CUEDC1: variants seen among roughly 807,000 people sequenced by gnomAD.
CUEDC1 encodes CUE domain-containing protein 1.
In CUEDC1, 30 loss-of-function variants were observed where a neutral mutation model predicts 43.7. The ratio of observed to expected loss-of-function variants is 0.69; its 90% CI spans 0.51 to 0.93. The LOEUF is 0.93. CUEDC1 is among the 40% of genes least tolerant of loss of function. The pLI is 0.00. For missense variants in CUEDC1, 486 were observed against 549.0 expected, an observed-to-expected ratio of 0.89 and a Z score of 1.15; for synonymous variants, 223 against 223.6, an observed-to-expected ratio of 1.00 and a Z score of 0.02.
At chr17:57,872,989 G>A (rs1454843420) in intron 4 of CUEDC1, 134 bp from the exon 5 acceptor site, 3 of 839,210 alleles carry the variant, frequency 3.6e-6, no homozygotes, top group East Asian at 5.4e-5. Flanking sequence ...ACCTCCTAAT[G>A]GAACCTGGTT....
intron 10 of CUEDC1, 135 bp downstream of exon 10, chr17:57,866,339 G>A (rs1357978408): frequency 3.0e-6 from 2 of 677,014 alleles, no homozygotes; most frequent in Non-Finnish European, 5.1e-6. Context: ...AACTATGAGG[G>A]AAGACACGTG....
At chr17:57,889,849 C>T (rs1399282879) in intron 1 of CUEDC1, among the ~76,000 whole-genome samples, 1 of 152,156 alleles carries the variant, frequency 6.6e-6, no homozygotes, top group Non-Finnish European at 1.5e-5. Flanking sequence ...GAGCACTGTC[C>T]CTCTCTCCCC....
In CUEDC1 at chr17:57,871,194, A is replaced by G. The variant is rs540634385; in HGVS notation, c.868+92T>C. The G allele has an allele frequency of 1.4e-3, 1,436 of 1,037,192 alleles. 13 individuals are homozygous for G. The highest frequency in any genetic ancestry group is 9.1e-3 in the South Asian group (716 of 78,268). The allele number at this position is 1,037,192 out of a possible 1,614,324, so 64.2% of individuals were successfully genotyped here. ...GCCCCCTCCCACAATCTGTTTTTTC[A>G]CCCTCCTCTCAAACTCCAAATATGC... On this transcript the variant is annotated intron_variant, in intron 6 of 10. Transcript: ENST00000577830.
At chr17:57,908,442 G>A (rs79359914) in intron 1 of CUEDC1, among the ~76,000 whole-genome samples, 3,443 of 152,282 alleles carry the variant, frequency 0.023, 53 homozygotes, top group Non-Finnish European at 0.034. Context: ...GTGATGCCAA[G>A]ACAGGCTTCC....
chr17:57,879,867 A>C, intron 2 of CUEDC1, 129 bp from the exon 3 acceptor site: 8 of 915,094 alleles, frequency 8.7e-6, no homozygotes, highest in Non-Finnish European at 1.3e-5. Flanking sequence ...TGGGAGTGTA[A>C]ATCGATACAA....
chr17:57,927,837 T>A (rs573404274), intron 1 of CUEDC1, among the ~76,000 whole-genome samples: 1 of 152,244 alleles, frequency 6.6e-6, no homozygotes, highest in Non-Finnish European at 1.5e-5. Flanking sequence ...AAAAATATTA[T>A]CCCATCTAAC....
At chr17:57,886,106 T>A (rs1475783588) in intron 1 of CUEDC1, among the ~76,000 whole-genome samples, 1 of 152,306 alleles carries the variant, frequency 6.6e-6, no homozygotes, top group African/African-American at 2.4e-5. Flanking sequence ...CCGACCCAGG[T>A]GCCATCCTAA....
At position 57,862,158 on chromosome 17, in the gene CUEDC1, C is replaced by A. The variant is rs975699897; in HGVS notation, c.*1131G>T. 6.6e-6 allele frequency: 1 copy of A among 152,340 alleles called. No individual in the cohort carries two copies. Among genetic ancestry groups the A allele is most frequent in the Non-Finnish European group, 1.5e-5 (1 of 68,136 alleles). The allele number at this position is 152,340 out of a possible 1,614,324, so 9.4% of individuals were successfully genotyped here. The stretch of plus-strand genomic sequence containing the variant: ...CCCGGCTCTCCGGAAGGTCTGCGCG[C>A]TCCCATGTCCAGGGCGGGGCCACGG... On this transcript the variant is annotated 3_prime_UTR_variant, in exon 11 of 11. Transcript: ENST00000577830.
In CUEDC1 at chr17:57,932,856, C is replaced by CT. The variant is rs1189237127; in HGVS notation, c.-316+22368dup. On this transcript the variant is annotated intron_variant, in intron 1 of 10. Coordinates refer to ENST00000577830, the MANE Select transcript of CUEDC1 (RefSeq NM_001271875.2). ...TGGCCTGGGCAACAAGAGCAAAACT[C>CT]TGTCTTAAAAAAAAAAAAAAGTCTG... 2.6e-5 allele frequency among the ~76,000 whole-genome samples: 4 copies of CT among 150,994 alleles called. No homozygotes were observed. The East Asian group carries it at 7.8e-4, about 29-fold the overall frequency.
At chr17:57,872,453 G>A (rs925934864) in intron 5 of CUEDC1, among the ~76,000 whole-genome samples, 8 of 152,010 alleles carry the variant, frequency 5.3e-5, no homozygotes, top group Non-Finnish European at 1.2e-4. Context: ...TCTGAGTCCC[G>A]AGGGAGAAAG....
At position 57,861,492 on chromosome 17, in the gene CUEDC1, T is replaced by A. The variant is rs1399843239; in HGVS notation, c.*1797A>T. On this transcript the variant is annotated 3_prime_UTR_variant, in exon 11 of 11. Coordinates refer to ENST00000577830, the MANE Select transcript of CUEDC1 (RefSeq NM_001271875.2). ...GTGAATGGGCCAGGCAAGGCAGGGG[T>A]ACCCTAGGGATGCGACGCGGGGCTC... 6.6e-6 allele frequency: 1 copy of A among 151,850 alleles called. No homozygotes were observed. The highest frequency in any genetic ancestry group is 2.4e-5 in the African/African-American group (1 of 41,244). The allele number at this position is 151,850 out of a possible 1,614,324, so 9.4% of individuals were successfully genotyped here.
intron 1 of CUEDC1, among the ~76,000 whole-genome samples, chr17:57,952,707 A>T (rs1411680407): frequency 1.3e-5 from 2 of 152,182 alleles, no homozygotes; most frequent in East Asian, 3.8e-4. Flanking sequence ...AAATGTAGGA[A>T]GCTCTAAAGG....
chr17:57,924,353 C>T (rs2074725809), intron 1 of CUEDC1, among the ~76,000 whole-genome samples: 1 of 152,216 alleles, frequency 6.6e-6, no homozygotes. Flanking sequence ...ATCTGCCCGC[C>T]TCGGCCTCCC....
At chr17:57,952,947 G>A (rs953170990) in intron 1 of CUEDC1, among the ~76,000 whole-genome samples, 1 of 152,056 alleles carries the variant, frequency 6.6e-6, no homozygotes, top group East Asian at 1.9e-4. Flanking sequence ...GCCAAGAAAG[G>A]AAAGGCAGGC....
chr17:57,913,892 TTTCAAGGA>T (rs1183287248), intron 1 of CUEDC1, among the ~76,000 whole-genome samples: 2 of 152,198 alleles, frequency 1.3e-5, no homozygotes, highest in African/African-American at 2.4e-5. Flanking sequence ...CAACTCTTTA[TTTCAAGGA>T]TTCAGGTTGT....
At chr17:57,946,317 A>G (rs1382132669) in intron 1 of CUEDC1, among the ~76,000 whole-genome samples, 1 of 152,236 alleles carries the variant, frequency 6.6e-6, no homozygotes. Context: ...ACTTTGAGAA[A>G]TAAAATGTAA....
At chr17:57,920,180 A>T (rs2074685242) in intron 1 of CUEDC1, among the ~76,000 whole-genome samples, 1 of 152,088 alleles carries the variant, frequency 6.6e-6, no homozygotes, top group African/African-American at 2.4e-5. Context: ...TCCCTACTCA[A>T]AGTGCAGCCT....
rs2073972563 is a variant in CUEDC1 at position 57,867,274 on chromosome 17, G to A, written c.1093+83C>T. On this transcript the variant is annotated intron_variant, in intron 9 of 10. Transcript: ENST00000577830. ...TGTTCCTCCAGGGGACAGGGCGGGTGCTCCCATGAAACACCCAGGAACTCC... is the reference window on the plus strand; with the variant it reads ...TGTTCCTCCAGGGGACAGGGCGGGTACTCCCATGAAACACCCAGGAACTCC... The A allele has an allele frequency of 4.6e-6, 6 of 1,299,318 alleles. No individual in the cohort carries two copies. In the East Asian group the frequency reaches 1.5e-4, roughly 33 times the overall value. The allele number at this position is 1,299,318 out of a possible 1,614,324, so 80.5% of individuals were successfully genotyped here.
At chr17:57,868,610 A>G (rs906333124) in intron 7 of CUEDC1, 1 of 354,622 alleles carries the variant, frequency 2.8e-6, no homozygotes, top group Non-Finnish European at 5.3e-6. Context: ...GCCACCTCCA[A>G]AGTTGGTTCT....
Sources: allele counts gnomAD v4.1 joint callset (sites outside exome capture counted in the v4.1 genomes callset), GRCh38; gene constraint gnomAD v4.1.1; transcripts MANE v1.5; gene names NCBI Gene and HGNC (gene_info 2026-07-23, HGNC 2026-07-21).